SLC7A2: variants seen among roughly 807,000 people sequenced by gnomAD.
SLC7A2 encodes the protein solute carrier family 7 member 2.
A neutral mutation model predicts 58.9 loss-of-function variants in SLC7A2; 48 were observed. The observed-to-expected ratio is 0.82, with a 90% CI of 0.65 to 1.04. The LOEUF is 1.04. Ranked by LOEUF, SLC7A2 falls within the 50% of genes least tolerant of loss-of-function variation. SLC7A2 has a pLI of 0.00. For missense variants in SLC7A2, 1,029 were observed against 818.8 expected, an observed-to-expected ratio of 1.26 and a Z score of -3.13; for synonymous variants, 363 against 314.5, an observed-to-expected ratio of 1.15 and a Z score of -1.63.
rs1463725191 is a variant in SLC7A2, at chr8:17,568,182, G to C, written c.*3036G>C. 6.6e-6 allele frequency: 1 copy of C among 151,780 alleles called. No homozygotes were observed. The highest frequency in any genetic ancestry group is 1.9e-4 in the East Asian group (1 of 5,190). The allele number at this position is 151,780 out of a possible 1,614,324, so 9.4% of individuals were successfully genotyped here. On this transcript the variant is annotated 3_prime_UTR_variant, in exon 13 of 13. Coordinates refer to ENST00000494857, the MANE Select transcript of SLC7A2 (RefSeq NM_001370338.1). ...AAATTACTTTTCTTTTCTACATTAA[G>C]AAATATATTCTCAACATTTTCAGTG...
chr8:17,519,314 T>C (rs190245886), intron 2 of SLC7A2, among the ~76,000 whole-genome samples: 78 of 152,308 alleles, frequency 5.1e-4, no homozygotes, highest in African/African-American at 1.8e-3. Context: ...AAATGTTAGC[T>C]CTCAGTAGTA....
chr8:17,524,698 G>T (rs772143998), intron 2 of SLC7A2, among the ~76,000 whole-genome samples: 2 of 152,070 alleles, frequency 1.3e-5, no homozygotes, highest in Non-Finnish European at 2.9e-5. Flanking sequence ...ACTACACACT[G>T]GGTACAGGGT....
chr8:17,564,936 TCC>T lies in SLC7A2; in HGVS notation c.1781-13_1781-12del. The stretch of plus-strand genomic sequence containing the variant: ...TACCTGAAACATTGATTTTTTTTTT[TCC>T]TGCCCCAACAGGCTTCCTGATTTAC... On this transcript the variant is annotated splice_polypyrimidine_tract_variant and intron_variant, in intron 12 of 12. Coordinates refer to ENST00000494857, the MANE Select transcript of SLC7A2 (RefSeq NM_001370338.1). The T allele has an allele frequency of 6.4e-7, 1 of 1,553,234 alleles. No individual in the cohort carries two copies. Among genetic ancestry groups the T allele is most frequent in the Non-Finnish European group, 8.7e-7 (1 of 1,153,650 alleles).
Position 17,554,666 on chromosome 8 carries a change from A to T in SLC7A2, c.1162A>T (p.Ile388Leu), listed in dbSNP as rs1134966. Residue 388 changes from isoleucine (I) to leucine (L), a missense_variant, in exon 8 of 13, where the codon ATA (isoleucine) becomes TTA (leucine). Physicochemically the swap from Ile to Leu is conservative, Grantham distance 5. Transcript: ENST00000494857. ...AATCAATTCCAAAACGAAGACACCA[A>T]TAATTGCTACTTTATCATCGGGTGC... Reference protein sequence around the residue: ...AQINSKTKTPIIATLSSGAVA... With the variant: ...AQINSKTKTPLIATLSSGAVA... The T allele has an allele frequency of 1.9e-6, 3 of 1,613,046 alleles. No individual in the cohort carries two copies. The African/African-American group carries it at 4.0e-5, about 22-fold the overall frequency.
chr8:17,561,412 T>C (rs1043099885), intron 10 of SLC7A2, among the ~76,000 whole-genome samples: 4 of 152,164 alleles, frequency 2.6e-5, no homozygotes, highest in African/African-American at 9.7e-5. Context: ...GCTAGACTTA[T>C]TCACTGCCAT....
intron 2 of SLC7A2, among the ~76,000 whole-genome samples, chr8:17,536,699 G>A (rs1312086846): frequency 1.3e-5 from 2 of 152,192 alleles, no homozygotes; most frequent in Non-Finnish European, 2.9e-5. Flanking sequence ...TTCTATCACG[G>A]AAACCTCCTT....
intron 2 of SLC7A2, among the ~76,000 whole-genome samples, chr8:17,528,785 A>C (rs76847923): frequency 6.6e-6 from 1 of 152,232 alleles, no homozygotes; most frequent in East Asian, 1.9e-4. Context: ...TACTTGAAGG[A>C]GAAGACTTTT....
chr8:17,502,866 A>G (rs1174213878), intron 2 of SLC7A2, among the ~76,000 whole-genome samples: 1 of 152,038 alleles, frequency 6.6e-6, no homozygotes, highest in East Asian at 1.9e-4. Flanking sequence ...TGGGCAGTAA[A>G]TAGTATTCAT....
intron 2 of SLC7A2, among the ~76,000 whole-genome samples, chr8:17,532,350 A>G (rs997549952): frequency 6.7e-6 from 1 of 150,178 alleles, no homozygotes; most frequent in South Asian, 2.1e-4. Context: ...CCTGACCCCA[A>G]TCCCAGTGTG....
At chr8:17,559,160 A>T (rs980008791) in intron 9 of SLC7A2, among the ~76,000 whole-genome samples, 3 of 152,224 alleles carry the variant, frequency 2.0e-5, no homozygotes, top group Non-Finnish European at 4.4e-5. Context: ...GCTGCCAAGA[A>T]GGAGAAGAGG....
rs142247279 is a variant in SLC7A2, at chr8:17,522,188, G to A, written c.-23+19886G>A. On this transcript the variant is annotated intron_variant, in intron 2 of 12. Coordinates refer to ENST00000494857, the MANE Select transcript of SLC7A2 (RefSeq NM_001370338.1). ...AATCATGGCAGATGGCAAAAGTCAC[G>A]TCTTACAGGGTGGCAGACAGGAGAG... Among the ~76,000 whole-genome samples, 677 of 152,224 alleles carry A rather than the reference G, an allele frequency of 4.4e-3. 4 individuals carry two copies. The highest frequency in any genetic ancestry group is 0.016 in the African/African-American group (659 of 41,536).
intron 2 of SLC7A2, among the ~76,000 whole-genome samples, chr8:17,532,184 T>A (rs1213883957): frequency 6.3e-5 from 8 of 127,252 alleles, no homozygotes; most frequent in Non-Finnish European, 1.1e-4. Flanking sequence ...GAGCTGAGAT[T>A]GCGCCACTAC....
At chr8:17,561,039 G>C (rs547477155) in intron 10 of SLC7A2, among the ~76,000 whole-genome samples, 1 of 152,320 alleles carries the variant, frequency 6.6e-6, no homozygotes, top group Admixed American at 6.5e-5. Flanking sequence ...TACAGGACAG[G>C]ATAATTGGTG....
At chr8:17,558,479 T>G (rs1802813812) in intron 9 of SLC7A2, 82 bp downstream of exon 9, 2 of 822,384 alleles carry the variant, frequency 2.4e-6, no homozygotes, top group Admixed American at 4.6e-5. Flanking sequence ...CTCTCCTGGC[T>G]TCCAGGGAGC....
intron 1 of SLC7A2, among the ~76,000 whole-genome samples, 163 bp from the exon 2 acceptor site, chr8:17,502,094 T>G (rs993327468): frequency 6.6e-6 from 1 of 151,686 alleles, no homozygotes; most frequent in Non-Finnish European, 1.5e-5. Flanking sequence ...TCCCACCATA[T>G]GTATATATAA....
intron 2 of SLC7A2, among the ~76,000 whole-genome samples, chr8:17,521,048 G>A (rs1800993933): frequency 6.6e-6 from 1 of 152,064 alleles, no homozygotes; most frequent in African/African-American, 2.4e-5. Context: ...CATAATGATA[G>A]TTACTCTTGC....
chr8:17,529,395 T>C (rs1801346666), intron 2 of SLC7A2, among the ~76,000 whole-genome samples: 1 of 152,198 alleles, frequency 6.6e-6, no homozygotes, highest in Admixed American at 6.5e-5. Flanking sequence ...TGATGGTATA[T>C]ATATAGCAGT....
chr8:17,508,093 T>C (rs1327400865), intron 2 of SLC7A2, among the ~76,000 whole-genome samples: 1 of 151,804 alleles, frequency 6.6e-6, no homozygotes, highest in Non-Finnish European at 1.5e-5. Flanking sequence ...CTCTCTTTTT[T>C]TTTAAAAAAA....
chr8:17,538,161 CTA>C (rs1324326416), intron 2 of SLC7A2, among the ~76,000 whole-genome samples: 6 of 152,186 alleles, frequency 3.9e-5, no homozygotes, highest in African/African-American at 1.4e-4. Flanking sequence ...TGTTTTTAGT[CTA>C]ACTTCCTGGC....
Sources: gnomAD v4.1 joint callset for allele counts (sites outside exome capture counted in the v4.1 genomes callset) on GRCh38, gnomAD v4.1.1 for gene constraint, MANE v1.5 for transcripts, NCBI Gene and HGNC (gene_info 2026-07-23, HGNC 2026-07-21) for gene names.